NOTCH3: variants seen among roughly 807,000 people sequenced by gnomAD.
NOTCH3 encodes the protein neurogenic locus notch homolog protein 3.
NOTCH3 carries 86 observed loss-of-function variants against 213.3 expected under a neutral mutation model. The observed-to-expected ratio is 0.40, with a 90% CI of 0.34 to 0.48. NOTCH3 has a LOEUF of 0.48. Among genes scored for constraint, NOTCH3 ranks in the 20% least tolerant of loss-of-function variants. The pLI, the probability that NOTCH3 is intolerant of heterozygous loss-of-function variation, is 0.57. For synonymous variants in NOTCH3, 1,354 were observed against 1,355.9 expected, an observed-to-expected ratio of 1.00 and a Z score of 0.03; for missense variants, 2,783 against 3,272.6, an observed-to-expected ratio of 0.85 and a Z score of 3.65.
rs775463640 is a variant in NOTCH3 at position 15,189,018 on chromosome 19, A to G, written c.1349T>C (p.Ile450Thr). 1 of 1,612,266 alleles carries G rather than the reference A, an allele frequency of 6.2e-7. No homozygotes were observed. Among genetic ancestry groups the G allele is most frequent in the Non-Finnish European group, 8.5e-7 (1 of 1,179,618 alleles). ...CATACAGATACAGGTGAACTGGCCT[A>G]TGCGGTCGAGGCACGTGGCCTGGTT... Reference protein sequence around the residue: ...CRNQATCLDRIGQFTCICMAG... With the variant: ...CRNQATCLDRTGQFTCICMAG... Residue 450 changes from isoleucine (I) to threonine (T), a missense_variant, in exon 8 of 33, where the codon ATA becomes ACA. Ile to Thr is a moderately conservative substitution (Grantham distance 89, BLOSUM62 -1). Transcript: ENST00000263388.
At position 15,189,119 on chromosome 19, in the gene NOTCH3, C is replaced by G; in HGVS notation, c.1248G>C (p.Leu416=). The G allele has an allele frequency of 6.2e-7, 1 of 1,613,370 alleles. No individual in the cohort carries two copies. The highest frequency in any genetic ancestry group is 8.5e-7 in the Non-Finnish European group (1 of 1,180,032). Residue 416 remains leucine (L), a synonymous_variant, in exon 8 of 33, where the codon CTG becomes CTC. Transcript: ENST00000263388. ...GRCVNTQGSF[L]CQCGRGYTGP... Reference sequence around the variant, plus strand: ...CAGTGTAGCCACGACCGCACTGGCACAGGAAGGAGCCCTGCGTGTTCACGC... The same window carrying G: ...CAGTGTAGCCACGACCGCACTGGCAGAGGAAGGAGCCCTGCGTGTTCACGC...
rs2046676322 is a variant in NOTCH3 at position 15,165,293 on chromosome 19, G to A, written c.5815+75C>T. ...AGTGATTGGGTCTCAACATGGGTAT[G>A]AATTTGCACCAACATGACCCTCAGG... On this transcript the variant is annotated intron_variant, in intron 31 of 32. Coordinates refer to ENST00000263388, the MANE Select transcript of NOTCH3 (RefSeq NM_000435.3). The surrounding 1 kb of genome is among the most constrained non-coding windows in gnomAD (Gnocchi z 4.7). The A allele has an allele frequency of 8.8e-6, 13 of 1,480,640 alleles. 1 individual carries two copies. The South Asian group carries it at 1.4e-4, about 15-fold the overall frequency. The allele number at this position is 1,480,640 out of a possible 1,614,324, so 91.7% of individuals were successfully genotyped here.
chr19:15,187,799 C>G, intron 10 of NOTCH3, 82 bp downstream of exon 10: 1 of 1,167,578 alleles, frequency 8.6e-7, no homozygotes, highest in East Asian at 2.5e-5. Flanking sequence ...CGCCCCCAAG[C>G]TCTCCCCAAG....
chr19:15,190,416 C>T (rs1483191708), intron 6 of NOTCH3, among the ~76,000 whole-genome samples: 1 of 152,178 alleles, frequency 6.6e-6, no homozygotes, highest in African/African-American at 2.4e-5. Flanking sequence ...TATCCACGTT[C>T]CCCTCCTAAA....
At chr19:15,167,524 G>C in intron 28 of NOTCH3, 113 bp from the exon 29 acceptor site, 1 of 908,006 alleles carries the variant, frequency 1.1e-6, no homozygotes, top group Admixed American at 2.0e-5. Context: ...GATACACACA[G>C]AGCCCTGGGA....
intron 25 of NOTCH3, among the ~76,000 whole-genome samples, chr19:15,173,527 T>A (rs1256681175): frequency 7.3e-5 from 11 of 150,646 alleles, no homozygotes; most frequent in Admixed American, 1.3e-4. Context: ...TAGCTGGGAC[T>A]ACAAGAATAT....
At chr19:15,169,182 A>C (rs1352899053) in intron 28 of NOTCH3, among the ~76,000 whole-genome samples, 2 of 125,422 alleles carry the variant, frequency 1.6e-5, no homozygotes, top group African/African-American at 6.3e-5. Context: ...GGGATGTCAA[A>C]TCTGTCTCTC....
chr19:15,177,914 G>T lies in NOTCH3; in HGVS notation c.4014C>A (p.Ser1338Arg). The T allele has an allele frequency of 7.8e-7, 1 of 1,279,590 alleles. No individual in the cohort carries two copies. The highest frequency in any genetic ancestry group is 9.8e-7 in the Non-Finnish European group (1 of 1,016,590). The allele number at this position is 1,279,590 out of a possible 1,614,324, so 79.3% of individuals were successfully genotyped here. Residue 1338 changes from serine to arginine, a missense_variant, in exon 24 of 33, where the codon AGC (serine) becomes AGA (arginine). Physicochemically the swap from Ser to Arg is moderately radical, Grantham distance 110. This residue lies in a region of NOTCH3 where 133 missense variants were observed against 201.9 expected (regional missense o/e 0.66). Coordinates refer to ENST00000263388, the MANE Select transcript of NOTCH3 (RefSeq NM_000435.3). ...CGTGGAGACAGGGGGCGGCCGCGCA[G>T]CTGGCGTTGCTGGCCCCCGGCGGCG... Reference protein sequence around the residue: ...PGSPPGASNASCAAAPCLHGG... With the variant: ...PGSPPGASNARCAAAPCLHGG...
At position 15,161,426 on chromosome 19, in the gene NOTCH3, C is replaced by CG; in HGVS notation, c.6201dup (p.Gly2068ArgfsTer27). ...CCCTGCGGCCCCAGCCCCGCCTTCC[C>CG]GGGGGGCCTCCTGCTCTTCTTGGAC... On this transcript the variant is annotated frameshift_variant, in exon 33 of 33. Coordinates refer to ENST00000263388, the MANE Select transcript of NOTCH3 (RefSeq NM_000435.3). LOFTEE classifies it low-confidence loss of function (END_TRUNC). 2 of 1,533,968 alleles carry CG rather than the reference C, an allele frequency of 1.3e-6. No homozygotes were observed. Among genetic ancestry groups the CG allele is most frequent in the Non-Finnish European group, 8.8e-7 (1 of 1,138,378 alleles).
intron 1 of NOTCH3, among the ~76,000 whole-genome samples, chr19:15,199,155 G>A (rs1250920902): frequency 6.6e-6 from 1 of 152,234 alleles, no homozygotes; most frequent in Non-Finnish European, 1.5e-5. Context: ...GTGTGTGCGT[G>A]CACGGGCTTG....
In NOTCH3 at chr19:15,177,984, C is replaced by T. The variant is rs1432396805; in HGVS notation, c.3944G>A (p.Cys1315Tyr). Residue 1315 changes from cysteine (C) to tyrosine (Y), a missense_variant, in exon 24 of 33, where the codon TGC (cysteine) becomes TAC (tyrosine). Transcript: ENST00000263388. ...QQTPRGPRCA[C>Y]PPGLSGPSCR... ...GGAGGGTCCCGACAACCCTGGGGGGCAGGCGCAGCGCGGCCCGCGGGGCGT... is the reference window on the plus strand; with the variant it reads ...GGAGGGTCCCGACAACCCTGGGGGGTAGGCGCAGCGCGGCCCGCGGGGCGT... 2.1e-6 allele frequency: 3 copies of T among 1,429,816 alleles called. No individual in the cohort carries two copies. The highest frequency in any genetic ancestry group is 1.8e-6 in the Non-Finnish European group (2 of 1,093,760). 88.6% of individuals were successfully genotyped at this position (1,429,816 alleles called of 1,614,324 possible).
rs536889157 is a variant in NOTCH3, at chr19:15,186,695, G to A, written c.1951+183C>T. ...GCTGGGATTACAGGCGTGAGCCACC[G>A]CGCCCAGCCTGCAGAATAATCTCGA... On this transcript the variant is annotated intron_variant, in intron 12 of 32. Transcript: ENST00000263388. 1.3e-4 allele frequency among the ~76,000 whole-genome samples: 20 copies of A among 152,254 alleles called. No homozygotes were observed. The East Asian group carries it at 2.1e-3, about 16-fold the overall frequency.
rs1297825123 is a variant in NOTCH3, at chr19:15,187,450, C to T, written c.1607-112G>A. 25 of 911,884 alleles carry T rather than the reference C, an allele frequency of 2.7e-5. No homozygotes were observed. The East Asian group carries it at 6.3e-4, about 23-fold the overall frequency. 56.5% of individuals were successfully genotyped at this position (911,884 alleles called of 1,614,324 possible). A position where few individuals can be genotyped will look rare whatever the true frequency, so the allele number is the denominator to read the frequency against. The stretch of plus-strand genomic sequence containing the variant: ...TCTGAGGCCCTGCCCATCAAGCTGT[C>T]AGGAGGCGAGCTCAATACAGGCCCC... On this transcript the variant is annotated intron_variant, in intron 10 of 32. Coordinates refer to ENST00000263388, the MANE Select transcript of NOTCH3 (RefSeq NM_000435.3).
At chr19:15,199,799 A>G (rs1302105346) in intron 1 of NOTCH3, among the ~76,000 whole-genome samples, 1 of 151,124 alleles carries the variant, frequency 6.6e-6, no homozygotes, top group African/African-American at 2.4e-5. Context: ...CACTCCCGAA[A>G]CCCCCACCCC....
chr19:15,189,065 C>T lies in NOTCH3; in HGVS notation c.1302G>A (p.Glu434=), dbSNP rs1156243756. The part of the protein sequence containing the change: ...TGPRCETDVN[E]CLSGPCRNQA... ...GGTTTCGGCAGGGCCCCGACAGACACTCGTTGACATCGGTCTCACAGCGAG... is the reference window on the plus strand; with the variant it reads ...GGTTTCGGCAGGGCCCCGACAGACATTCGTTGACATCGGTCTCACAGCGAG... The change falls in exon 8 of 33, where the codon GAG becomes GAA. Residue 434 remains glutamate (E), a synonymous_variant. Transcript: ENST00000263388. 2 of 1,613,184 alleles carry T rather than the reference C, an allele frequency of 1.2e-6. No homozygotes were observed. Among genetic ancestry groups the T allele is most frequent in the Non-Finnish European group, 1.7e-6 (2 of 1,180,032 alleles).
chr19:15,199,766 G>A (rs1288498491), intron 1 of NOTCH3, among the ~76,000 whole-genome samples: 2 of 152,124 alleles, frequency 1.3e-5, no homozygotes, highest in Admixed American at 1.3e-4. Flanking sequence ...TCCGGGCCCC[G>A]GGGCTGGGCT....
At chr19:15,195,206 T>C (rs1453686848) in intron 2 of NOTCH3, among the ~76,000 whole-genome samples, 1 of 152,058 alleles carries the variant, frequency 6.6e-6, no homozygotes, top group East Asian at 1.9e-4. Context: ...CTGGGACTTA[T>C]ATAGCCTCTT....
rs763102787 is a variant in NOTCH3 at position 15,192,026 on chromosome 19, G to T, written c.613C>A (p.Pro205Thr). 2.5e-6 allele frequency: 4 copies of T among 1,613,150 alleles called. No homozygotes were observed. Among genetic ancestry groups the T allele is most frequent in the African/African-American group, 2.7e-5 (2 of 74,944 alleles). ...ENPAVPCAPS[P>T]CRNGGTCRQS... ...CTGCAGGTGCCCCCGTTACGGCATG[G>T]TGAGGGTGCACAGGGCACCGCGGGG... is the stretch of plus-strand genomic sequence containing the variant. The change falls in exon 4 of 33, where the codon CCA becomes ACA. Residue 205 changes from proline (P) to threonine (T), a missense_variant. By Grantham distance (38) the Pro-to-Thr change is conservative (BLOSUM62 -1). Coordinates refer to ENST00000263388, the MANE Select transcript of NOTCH3 (RefSeq NM_000435.3).
intron 1 of NOTCH3, among the ~76,000 whole-genome samples, 171 bp from the exon 2 acceptor site, chr19:15,197,749 G>A (rs896568214): frequency 3.8e-5 from 3 of 78,740 alleles, no homozygotes; most frequent in East Asian, 4.8e-4. Flanking sequence ...CCCCCCCCCC[G>A]CCCCAGCCCC....
Sources: gnomAD v4.1 joint callset for allele counts (sites outside exome capture counted in the v4.1 genomes callset) on GRCh38, gnomAD v4.1.1 for gene constraint, gnomAD v4.1.1 regional missense constraint, Gnocchi (gnomAD v3.1) non-coding constraint, MANE v1.5 for transcripts, NCBI Gene and HGNC (gene_info 2026-07-23, HGNC 2026-07-21) for gene names.